The following UBE2U variants were observed in gnomAD, a reference collection of about 807,000 sequenced individuals.
UBE2U encodes the protein ubiquitin-conjugating enzyme E2 U.
A neutral mutation model predicts 41.2 loss-of-function variants in UBE2U; 39 were observed. The observed-to-expected ratio is 0.95, with a 90% CI of 0.73 to 1.24. The LOEUF is 1.24. Among genes scored for constraint, UBE2U ranks in the 50% most tolerant of loss-of-function variants. UBE2U has a pLI of 0.00. For synonymous variants in UBE2U, 107 were observed against 117.8 expected (o/e 0.91, Z 0.60); for missense variants, 336 against 363.1 (o/e 0.93, Z 0.61).
intron 6 of UBE2U, among the ~76,000 whole-genome samples, chr1:64,225,378 G>A (rs1389111990): frequency 2.0e-5 from 3 of 152,172 alleles, no homozygotes; most frequent in African/African-American, 4.8e-5. Context: ...GGTAGCTGGA[G>A]GTAAGAGAAG....
Position 64,205,759 on chromosome 1 carries a change from C to A in UBE2U, c.148+39C>A, listed in dbSNP as rs747582816. ...AAACCAATCTATTTTTTAAAAAAGT[C>A]TTTATACCATTATTAGCCCATCCTC... On this transcript the variant is annotated intron_variant, in intron 2 of 9. Transcript: ENST00000371077. 3 of 1,532,888 alleles carry A rather than the reference C, an allele frequency of 2.0e-6. No individual in the cohort carries two copies. In the South Asian group the frequency reaches 3.4e-5, roughly 17 times the overall value. 95.0% of individuals were successfully genotyped at this position (1,532,888 alleles called of 1,614,324 possible).
intron 7 of UBE2U, among the ~76,000 whole-genome samples, chr1:64,239,178 G>GAAGAAGAAGA (rs756295306): frequency 2.1e-4 from 19 of 88,434 alleles, no homozygotes; most frequent in South Asian, 1.4e-3. Context: ...AGAAGAAGAA[G>GAAGAAGAAGA]AAGAAGAAGA....
At chr1:64,214,063 A>G (rs923672625) in intron 4 of UBE2U, among the ~76,000 whole-genome samples, 9 of 152,184 alleles carry the variant, frequency 5.9e-5, no homozygotes, top group Non-Finnish European at 1.5e-5. Context: ...TATGTAAACT[A>G]TACAGCCTGT....
At position 64,237,623 on chromosome 1, in the gene UBE2U, C is replaced by T. The variant is rs1418961767; in HGVS notation, c.596-4029C>T. On this transcript the variant is annotated intron_variant, in intron 7 of 9. Transcript: ENST00000371077. ...GCTGTGTGTGGGAGATAAGAAGACA[C>T]ATTGTGCTAAGCTCTTCAAGGAGTT... Among the ~76,000 whole-genome samples, 7 of 152,098 alleles carry T rather than the reference C, an allele frequency of 4.6e-5. No individual in the cohort carries two copies. In the East Asian group the frequency reaches 1.3e-3, roughly 29 times the overall value.
At chr1:64,205,253 T>C (rs750826017) in intron 1 of UBE2U, among the ~76,000 whole-genome samples, 5 of 152,220 alleles carry the variant, frequency 3.3e-5, no homozygotes, top group Non-Finnish European at 5.9e-5. Flanking sequence ...ATGCCTTTCA[T>C]ATAGCATTCA....
chr1:64,217,764 T>C lies in UBE2U; in HGVS notation c.457+2832T>C, dbSNP rs191023410. Among the ~76,000 whole-genome samples, 725 of 152,304 alleles carry C rather than the reference T, an allele frequency of 4.8e-3. 3 individuals are homozygous for C. The highest frequency in any genetic ancestry group is 6.8e-3 in the Non-Finnish European group (464 of 68,022). On this transcript the variant is annotated intron_variant, in intron 5 of 9. Coordinates refer to ENST00000371077, the MANE Select transcript of UBE2U (RefSeq NM_001366232.2). ...TCATCTAAATAAGCTATAATTGACATTGAGTCATAATACTAGAATAAAGGA... is the reference window on the plus strand; with the variant it reads ...TCATCTAAATAAGCTATAATTGACACTGAGTCATAATACTAGAATAAAGGA...
chr1:64,213,534 A>G (rs1483566861), intron 4 of UBE2U, among the ~76,000 whole-genome samples: 4 of 152,216 alleles, frequency 2.6e-5, no homozygotes, highest in Non-Finnish European at 4.4e-5. Flanking sequence ...AATACTATAA[A>G]GCACACACTG....
Position 64,232,535 on chromosome 1 carries a change from C to T in UBE2U, c.507-26C>T, listed in dbSNP as rs540373763. On this transcript the variant is annotated intron_variant, in intron 6 of 9. Coordinates refer to ENST00000371077, the MANE Select transcript of UBE2U (RefSeq NM_001366232.2). ...AAAAGAAAATTTACAAACTGCCCAT[C>T]GTCTGATTTTTATTTATATTTTCAG... 2.2e-5 allele frequency: 34 copies of T among 1,554,090 alleles called. 1 individual carries two copies. The highest frequency in any genetic ancestry group is 5.4e-5 in the African/African-American group (4 of 73,520).
chr1:64,241,652 T>A lies in UBE2U; in HGVS notation c.596T>A (p.Leu199Ter). Reference sequence around the variant, plus strand: ...TCTTTTTTTAATATTCTAATTTCAGTGCTCAAAGTTCCAAATTTCATTGGA... The same window carrying A: ...TCTTTTTTTAATATTCTAATTTCAGAGCTCAAAGTTCCAAATTTCATTGGA... ...SKATEYYRTP[L>*]LKVPNFIGQY... The change falls in exon 8 of 10, where the codon TTG becomes TAG. Residue 199 changes from leucine (L) to a stop codon, truncating the protein, a stop_gained and splice_region_variant. Transcript: ENST00000371077. LOFTEE classifies it high-confidence loss of function. 6.3e-7 allele frequency: 1 copy of A among 1,598,150 alleles called. No homozygotes were observed. Among genetic ancestry groups the A allele is most frequent in the Non-Finnish European group, 8.5e-7 (1 of 1,172,286 alleles).
At position 64,204,116 on chromosome 1, in the gene UBE2U, G is replaced by A. The variant is rs1164974828; in HGVS notation, c.66G>A (p.Lys22=). The change falls in exon 1 of 10, where the codon AAG becomes AAA. Residue 22 remains lysine (K), a splice_region_variant and synonymous_variant. Transcript: ENST00000371077. ...DFCDLKENNY[K]GITAKPVSED... ...GTGATCTCAAGGAGAACAATTATAA[G>A]GTAAGTACTGGGCACGTGGAGAGAT... is the stretch of plus-strand genomic sequence containing the variant. 18 of 1,612,782 alleles carry A rather than the reference G, an allele frequency of 1.1e-5. No homozygotes were observed. Among genetic ancestry groups the A allele is most frequent in the Non-Finnish European group, 1.5e-5 (18 of 1,179,262 alleles).
chr1:64,220,764 A>C, intron 5 of UBE2U, 95 bp from the exon 6 acceptor site: 73 of 930,758 alleles, frequency 7.8e-5, no homozygotes, highest in Non-Finnish European at 1.1e-4. Context: ...TTATTCCTTT[A>C]TTACCATTTT....
intron 8 of UBE2U, among the ~76,000 whole-genome samples, chr1:64,258,033 G>A (rs144905670): frequency 2.5e-3 from 381 of 152,204 alleles, no homozygotes; most frequent in African/African-American, 8.1e-3. Context: ...CTGAATGTTT[G>A]CCCTGAATGT....
chr1:64,214,142 T>A (rs1239769397), intron 4 of UBE2U, among the ~76,000 whole-genome samples: 1 of 152,166 alleles, frequency 6.6e-6, no homozygotes, highest in Non-Finnish European at 1.5e-5. Context: ...TAATAGCTAT[T>A]CAGTATTCCT....
At chr1:64,239,157 A>AAGGAGAAGAAGAAGAAG in intron 7 of UBE2U, among the ~76,000 whole-genome samples, 2 of 37,064 alleles carry the variant, frequency 5.4e-5, no homozygotes, top group African/African-American at 1.7e-4. Context: ...GAAGAAGAAG[A>AAGGAGAAGAAGAAGAAG]AAGAAGAAGA....
chr1:64,239,169 G>GAAGAA, intron 7 of UBE2U, among the ~76,000 whole-genome samples: 1 of 91,054 alleles, frequency 1.1e-5, no homozygotes, highest in South Asian at 4.5e-4. Context: ...AGAAGAAGAA[G>GAAGAA]AAGAAGAAGA....
In UBE2U at chr1:64,265,947, T is replaced by C. The variant is rs373969942; in HGVS notation, c.770-1077T>C. 2.0e-4 allele frequency among the ~76,000 whole-genome samples: 30 copies of C among 152,254 alleles called. 5 individuals are homozygous for C. The South Asian group carries it at 3.1e-3, about 16-fold the overall frequency. ...TCACTTGTAGCCCATGTCTATAACATTAGAAGACAGCAAATATTACAGGGT... is the reference window on the plus strand; with the variant it reads ...TCACTTGTAGCCCATGTCTATAACACTAGAAGACAGCAAATATTACAGGGT... On this transcript the variant is annotated intron_variant, in intron 9 of 9. Coordinates refer to ENST00000371077, the MANE Select transcript of UBE2U (RefSeq NM_001366232.2).
intron 8 of UBE2U, among the ~76,000 whole-genome samples, chr1:64,246,166 C>T (rs1225822900): frequency 2.0e-5 from 3 of 151,934 alleles, no homozygotes; most frequent in Non-Finnish European, 4.4e-5. Context: ...AACATCTGTG[C>T]AATATCAAAT....
intron 6 of UBE2U, among the ~76,000 whole-genome samples, chr1:64,221,809 G>A (rs2100329555): frequency 6.6e-6 from 1 of 152,232 alleles, no homozygotes; most frequent in East Asian, 1.9e-4. Flanking sequence ...ACTTATGGCC[G>A]AGAGCAGTGG....
At chr1:64,243,425 C>T (rs939258393) in intron 8 of UBE2U, among the ~76,000 whole-genome samples, 1 of 152,068 alleles carries the variant, frequency 6.6e-6, no homozygotes, top group Admixed American at 6.6e-5. Context: ...CATCAAAATA[C>T]ATGGGGTATG....
Sources: allele counts gnomAD v4.1 joint callset (sites outside exome capture counted in the v4.1 genomes callset), GRCh38; gene constraint gnomAD v4.1.1; transcripts MANE v1.5; gene names NCBI Gene and HGNC (gene_info 2026-07-23, HGNC 2026-07-21).